HK2: variants seen among roughly 807,000 people sequenced by gnomAD.
HK2 encodes the protein hexokinase-2.
In HK2, 42 loss-of-function variants were observed where a neutral mutation model predicts 92.9. The observed-to-expected ratio is 0.45, with a 90% CI of 0.35 to 0.58. HK2 has a LOEUF of 0.58. HK2 is among the 20% of genes least tolerant of loss of function. HK2 has a pLI of 0.00. For missense variants in HK2, 978 were observed against 1,245.1 expected (o/e 0.79, Z 3.23); for synonymous variants, 422 against 468.0 (o/e 0.90, Z 1.27).
rs147188957 is a variant in HK2, at chr2:74,889,502, C to A, written c.2609+24C>A. On this transcript the variant is annotated intron_variant, in intron 17 of 17. Coordinates refer to ENST00000290573, the MANE Select transcript of HK2 (RefSeq NM_000189.5). ...CAGTGAGTGCCTGATCCCAGCCCCC[C>A]CTGCCTACCTTCTTTCTGTCTTTGT... The A allele has an allele frequency of 4.2e-4, 588 of 1,390,302 alleles. 3 individuals carry two copies. In the African/African-American group the frequency reaches 7.1e-3, roughly 17 times the overall value. 86.1% of individuals were successfully genotyped at this position (1,390,302 alleles called of 1,614,324 possible). A position where few individuals can be genotyped will look rare whatever the true frequency, so the allele number is the denominator to read the frequency against.
At chr2:74,835,791 C>A (rs988000153) in intron 1 of HK2, among the ~76,000 whole-genome samples, 1 of 152,198 alleles carries the variant, frequency 6.6e-6, no homozygotes, top group East Asian at 1.9e-4. Flanking sequence ...GGCAACGGAG[C>A]GTTGCTCAGT....
intron 13 of HK2, 55 bp downstream of exon 13, chr2:74,885,644 G>C: frequency 8.5e-7 from 1 of 1,175,710 alleles, no homozygotes; most frequent in Non-Finnish European, 1.3e-6. Flanking sequence ...GATTGGCCTG[G>C]TCTGTGTGTT....
intron 1 of HK2, among the ~76,000 whole-genome samples, chr2:74,843,663 T>C (rs531577536): frequency 3.9e-5 from 6 of 152,324 alleles, no homozygotes; most frequent in Admixed American, 3.3e-4. Context: ...CCCTGGATGC[T>C]TGGAGGTGGT....
chr2:74,880,830 T>G (rs1050670382), intron 10 of HK2, among the ~76,000 whole-genome samples: 2 of 152,262 alleles, frequency 1.3e-5, no homozygotes, highest in Admixed American at 6.5e-5. Context: ...TTGTTAACTG[T>G]TAAAAAATAT....
intron 10 of HK2, 40 bp from the exon 11 acceptor site, chr2:74,881,671 T>G: frequency 6.2e-7 from 1 of 1,611,286 alleles, no homozygotes; most frequent in South Asian, 1.1e-5. Context: ...ATTCCCCATG[T>G]TCTGCCCCAA....
chr2:74,882,215 C>T lies in HK2; in HGVS notation c.1815C>T (p.Pro605=). 1 of 1,614,118 alleles carries T rather than the reference C, an allele frequency of 6.2e-7. No individual in the cohort carries two copies. Among genetic ancestry groups the T allele is most frequent in the Middle Eastern group, 1.6e-4 (1 of 6,062 alleles). Residue 605 remains proline, a synonymous_variant, in exon 12 of 18, where the codon CCC becomes CCT. Coordinates refer to ENST00000290573, the MANE Select transcript of HK2 (RefSeq NM_000189.5). ...CTCTGGGTTTTACCTTCTCCTTCCC[C>T]TGCCAGCAGAACAGCCTGGACGAGG... is the stretch of plus-strand genomic sequence containing the variant. The part of the protein sequence containing the change: ...SLPLGFTFSF[P]CQQNSLDESI...
chr2:74,890,008 AC>A (rs1689636944), intron 17 of HK2, among the ~76,000 whole-genome samples: 1 of 152,370 alleles, frequency 6.6e-6, no homozygotes, highest in East Asian at 1.9e-4. Flanking sequence ...TTTGACCATT[AC>A]AAACAGTGCT....
At position 74,872,280 on chromosome 2, in the gene HK2, C is replaced by T. The variant is rs765072305; in HGVS notation, c.376-20C>T. ...GCTGTTCGACCTCTCTGCTCACCACCCTGTGTCATGTATCCTTAGCTGTTT... is the reference window on the plus strand; with the variant it reads ...GCTGTTCGACCTCTCTGCTCACCACTCTGTGTCATGTATCCTTAGCTGTTT... On this transcript the variant is annotated intron_variant, in intron 3 of 17. Coordinates refer to ENST00000290573, the MANE Select transcript of HK2 (RefSeq NM_000189.5). 3 of 1,613,606 alleles carry T rather than the reference C, an allele frequency of 1.9e-6. No homozygotes were observed. The highest frequency in any genetic ancestry group is 1.1e-5 in the South Asian group (1 of 91,060).
rs1310002185 is a variant in HK2, at chr2:74,891,130, A to T, written c.*189A>T. 5 of 625,208 alleles carry T rather than the reference A, an allele frequency of 8.0e-6. No homozygotes were observed. Among genetic ancestry groups the T allele is most frequent in the Non-Finnish European group, 1.4e-5 (5 of 359,240 alleles). 38.7% of individuals were successfully genotyped at this position (625,208 alleles called of 1,614,324 possible). On this transcript the variant is annotated 3_prime_UTR_variant, in exon 18 of 18. Coordinates refer to ENST00000290573, the MANE Select transcript of HK2 (RefSeq NM_000189.5). ...GGCTGAGCTTGGCCCTATTAAGATA[A>T]ATAGAGTTCCAAATAAGGATTTGTT...
intron 4 of HK2, among the ~76,000 whole-genome samples, chr2:74,873,024 A>G (rs899036134): frequency 2.0e-5 from 3 of 152,248 alleles, no homozygotes; most frequent in African/African-American, 7.2e-5. Context: ...CAGCTCTATT[A>G]TAATCTTGTT....
At chr2:74,890,573 A>T (rs1471585993) in intron 17 of HK2, among the ~76,000 whole-genome samples, 1 of 152,186 alleles carries the variant, frequency 6.6e-6, no homozygotes, top group Non-Finnish European at 1.5e-5. Flanking sequence ...CTAATGGCTG[A>T]TATGATGTGG....
chr2:74,885,410 A>G, intron 12 of HK2, 84 bp from the exon 13 acceptor site: 1 of 901,298 alleles, frequency 1.1e-6, no homozygotes, highest in Non-Finnish European at 1.9e-6. Flanking sequence ...TGTGAGGTTG[A>G]GAGCTAGAAG....
rs868799510 is a variant in HK2, at chr2:74,834,138, T to A, written c.-443T>A. 6.0e-6 allele frequency: 2 copies of A among 332,676 alleles called. No homozygotes were observed. Among genetic ancestry groups the A allele is most frequent in the Non-Finnish European group, 1.2e-5 (2 of 168,682 alleles). The allele number at this position is 332,676 out of a possible 1,614,324, so 20.6% of individuals were successfully genotyped here. A position where few individuals can be genotyped will look rare whatever the true frequency, so the allele number is the denominator to read the frequency against. On this transcript the variant is annotated 5_prime_UTR_variant, in exon 1 of 18. The change abolishes an upstream ATG in the 5' untranslated region. Transcript: ENST00000290573. This position sits in a 1 kb window ranked among gnomAD's most constrained non-coding sequence, Gnocchi z 4.2. ...CCCCTCAATAAGCCACATTGTTGCA[T>A]GAAACTCCGGCGCAGGAGTCCCGGG...
intron 1 of HK2, among the ~76,000 whole-genome samples, chr2:74,842,835 G>T (rs1014886346): frequency 2.0e-5 from 3 of 152,208 alleles, no homozygotes; most frequent in Admixed American, 6.5e-5. Flanking sequence ...TGCACTTCAG[G>T]TTGAAGCATC....
At chr2:74,853,109 T>C (rs1415717812) in intron 1 of HK2, among the ~76,000 whole-genome samples, 1 of 152,094 alleles carries the variant, frequency 6.6e-6, no homozygotes, top group Admixed American at 6.6e-5. Context: ...CGTCAGGGCA[T>C]GTACCTGGAG....
At chr2:74,889,579 G>A (rs1255589337) in intron 17 of HK2, 101 bp downstream of exon 17, 58 of 837,102 alleles carry the variant, frequency 6.9e-5, no homozygotes, top group South Asian at 3.3e-4. Flanking sequence ...TGAATTATCA[G>A]CCATTCCAAA....
At chr2:74,853,798 C>T (rs555817439) in intron 1 of HK2, among the ~76,000 whole-genome samples, 2 of 151,928 alleles carry the variant, frequency 1.3e-5, no homozygotes, top group Non-Finnish European at 1.5e-5. Context: ...CCCTGAAAGC[C>T]GGGGATCAGC....
intron 1 of HK2, among the ~76,000 whole-genome samples, chr2:74,849,845 G>A (rs966170215): frequency 3.9e-5 from 6 of 152,330 alleles, no homozygotes; most frequent in East Asian, 1.9e-4. Flanking sequence ...CTGTACGAAC[G>A]CTACCACTAG....
chr2:74,855,941 C>T (rs1031902604), intron 2 of HK2, among the ~76,000 whole-genome samples: 1 of 152,010 alleles, frequency 6.6e-6, no homozygotes, highest in African/African-American at 2.4e-5. Flanking sequence ...ATAATAGGTG[C>T]CTCCATTTTA....
Sources: gnomAD v4.1 joint callset for allele counts (sites outside exome capture counted in the v4.1 genomes callset) on GRCh38, gnomAD v4.1.1 for gene constraint, Gnocchi (gnomAD v3.1) non-coding constraint, MANE v1.5 for transcripts, NCBI Gene and HGNC (gene_info 2026-07-23, HGNC 2026-07-21) for gene names.